EFL1: variants seen among roughly 807,000 people sequenced by gnomAD.
EFL1 encodes the protein elongation factor-like GTPase 1.
In EFL1, 76 loss-of-function variants were observed where a neutral mutation model predicts 126.7. That is an observed-to-expected ratio of 0.60 (90% CI 0.50 to 0.73). EFL1 has a LOEUF of 0.73. EFL1 is among the 30% of genes least tolerant of loss of function. The probability of loss-of-function intolerance (pLI) is 0.00; values close to 1 mark genes in which losing one functional copy is unlikely to be tolerated. For missense variants in EFL1, 1,128 were observed against 1,343.2 expected, an observed-to-expected ratio of 0.84 and a Z score of 2.50; for synonymous variants, 410 against 448.4, an observed-to-expected ratio of 0.91 and a Z score of 1.08.
intron 18 of EFL1, among the ~76,000 whole-genome samples, chr15:82,145,919 T>A (rs2073840756): frequency 6.7e-6 from 1 of 149,796 alleles, no homozygotes; most frequent in South Asian, 2.1e-4. Flanking sequence ...AAAATGTGGT[T>A]ATTACCAAAG....
At chr15:82,229,217 ATATT>A (rs909401377) in intron 8 of EFL1, 107 bp from the exon 9 acceptor site, 3 of 873,682 alleles carry the variant, frequency 3.4e-6, no homozygotes, top group African/African-American at 3.5e-5. Context: ...CTACTTGAAA[ATATT>A]TATTCAAAAA....
At chr15:82,162,956 T>G (rs2074038855) in intron 16 of EFL1, among the ~76,000 whole-genome samples, 1 of 152,192 alleles carries the variant, frequency 6.6e-6, no homozygotes, top group African/African-American at 2.4e-5. Context: ...AGCACTGGAA[T>G]AGCAAAGTCA....
chr15:82,156,432 A>G (rs906892233), intron 17 of EFL1, among the ~76,000 whole-genome samples: 1 of 152,110 alleles, frequency 6.6e-6, no homozygotes, highest in African/African-American at 2.4e-5. Context: ...TTACAGGTGC[A>G]CGCCACCACA....
intron 15 of EFL1, among the ~76,000 whole-genome samples, chr15:82,190,423 C>T (rs1041304194): frequency 5.2e-4 from 79 of 152,206 alleles, no homozygotes; most frequent in Middle Eastern, 3.4e-3. Flanking sequence ...TCACTTTTGT[C>T]GGTCAAATTG....
intron 15 of EFL1, among the ~76,000 whole-genome samples, chr15:82,169,645 A>G (rs2141248291): frequency 6.6e-6 from 1 of 151,594 alleles, no homozygotes; most frequent in East Asian, 1.9e-4. Flanking sequence ...TTTTTTCTCC[A>G]GACTATAGTT....
chr15:82,219,486 T>C (rs529662571), intron 14 of EFL1, among the ~76,000 whole-genome samples, 166 bp downstream of exon 14: 59 of 152,306 alleles, frequency 3.9e-4, no homozygotes, highest in African/African-American at 1.4e-3. Context: ...GAGACATATA[T>C]GACAAATGTT....
At chr15:82,241,719 T>G (rs1424396235) in intron 4 of EFL1, among the ~76,000 whole-genome samples, 1 of 152,270 alleles carries the variant, frequency 6.6e-6, no homozygotes, top group Non-Finnish European at 1.5e-5. Context: ...ACAATATCCC[T>G]ATGAGATACA....
rs2141202800 is a variant in EFL1 at position 82,130,249 on chromosome 15, G to A, written c.*124C>T. 9.5e-7 allele frequency: 1 copy of A among 1,048,100 alleles called. No homozygotes were observed. Among genetic ancestry groups the A allele is most frequent in the East Asian group, 2.6e-5 (1 of 38,200 alleles). 64.9% of individuals were successfully genotyped at this position (1,048,100 alleles called of 1,614,324 possible). A position where few individuals can be genotyped will look rare whatever the true frequency, so the allele number is the denominator to read the frequency against. On this transcript the variant is annotated 3_prime_UTR_variant, in exon 20 of 20. Coordinates refer to ENST00000268206, the MANE Select transcript of EFL1 (RefSeq NM_024580.6). ...AACATCCTCTTTAAAATATTTATAT[G>A]GATCAACTTTATTGAAAGTGAATAA...
intron 15 of EFL1, among the ~76,000 whole-genome samples, chr15:82,214,152 TA>T (rs1369175125): frequency 6.6e-6 from 1 of 152,200 alleles, no homozygotes; most frequent in African/African-American, 2.4e-5. Context: ...AGAAATTTCT[TA>T]ATCTGAGTCT....
intron 15 of EFL1, among the ~76,000 whole-genome samples, chr15:82,172,402 G>C (rs1351635091): frequency 1.3e-5 from 2 of 152,164 alleles, no homozygotes; most frequent in Non-Finnish European, 2.9e-5. Context: ...CCCCTCTCTA[G>C]GTGATTTAGT....
intron 4 of EFL1, among the ~76,000 whole-genome samples, chr15:82,246,128 G>A (rs997013810): frequency 6.6e-6 from 1 of 151,994 alleles, no homozygotes; most frequent in Non-Finnish European, 1.5e-5. Context: ...CCCGCTTTTG[G>A]TTTTTCTCAG....
chr15:82,198,835 T>TA (rs1019488594), intron 15 of EFL1, among the ~76,000 whole-genome samples: 8 of 152,192 alleles, frequency 5.3e-5, no homozygotes, highest in African/African-American at 1.9e-4. Flanking sequence ...CCTTATTTAC[T>TA]AGTTTGCGAT....
At chr15:82,233,691 C>G (rs1335309673) in intron 7 of EFL1, 2 of 152,194 alleles carry the variant, frequency 1.3e-5, no homozygotes, top group Admixed American at 1.3e-4. Context: ...TTCTGCTTTT[C>G]AGAGCAGACT....
intron 12 of EFL1, among the ~76,000 whole-genome samples, chr15:82,221,090 T>C (rs890769118): frequency 6.6e-6 from 1 of 152,140 alleles, no homozygotes; most frequent in African/African-American, 2.4e-5. Context: ...TTCTGCCCTA[T>C]ACTCTGGGAA....
intron 18 of EFL1, among the ~76,000 whole-genome samples, chr15:82,141,309 G>T (rs1434884460): frequency 6.6e-6 from 1 of 152,140 alleles, no homozygotes; most frequent in Non-Finnish European, 1.5e-5. Flanking sequence ...ATATAGAAAA[G>T]AAATCTTACC....
At chr15:82,209,833 A>G (rs2074565791) in intron 15 of EFL1, among the ~76,000 whole-genome samples, 1 of 152,248 alleles carries the variant, frequency 6.6e-6, no homozygotes. Flanking sequence ...CAAATGTGAA[A>G]TCTGGATTTT....
intron 7 of EFL1, among the ~76,000 whole-genome samples, chr15:82,232,826 T>C (rs2074835683): frequency 6.6e-6 from 1 of 152,134 alleles, no homozygotes; most frequent in South Asian, 2.1e-4. Flanking sequence ...GGGGATTTCA[T>C]ACATTTATTG....
Position 82,130,332 on chromosome 15 carries a change from T to C in EFL1, c.*41A>G, listed in dbSNP as rs2073624833. The C allele has an allele frequency of 6.3e-7, 1 of 1,593,110 alleles. No homozygotes were observed. The highest frequency in any genetic ancestry group is 8.6e-7 in the Non-Finnish European group (1 of 1,169,182). On this transcript the variant is annotated 3_prime_UTR_variant, in exon 20 of 20. Coordinates refer to ENST00000268206, the MANE Select transcript of EFL1 (RefSeq NM_024580.6). Reference sequence around the variant, plus strand: ...AATATTAAACCCTTGATGATACTTTTAAATTCACTATAAGGAAAAGAATCC... The same window carrying C: ...AATATTAAACCCTTGATGATACTTTCAAATTCACTATAAGGAAAAGAATCC...
At chr15:82,164,883 C>T (rs7165488) in intron 15 of EFL1, among the ~76,000 whole-genome samples, 76 of 138,834 alleles carry the variant, frequency 5.5e-4, no homozygotes, top group African/African-American at 2.0e-3. Context: ...GGCGACAGAG[C>T]GAGATTCCAC....
Sources: allele counts gnomAD v4.1 joint callset (sites outside exome capture counted in the v4.1 genomes callset), GRCh38; gene constraint gnomAD v4.1.1; transcripts MANE v1.5; gene names NCBI Gene and HGNC (gene_info 2026-07-23, HGNC 2026-07-21).